OR1J2: variants seen among roughly 807,000 people sequenced by gnomAD.
OR1J2 encodes olfactory receptor family 1 subfamily J member 2, also known as olfactory receptor 1J2.
For missense variants in OR1J2, 304 were observed against 246.1 expected, an observed-to-expected ratio of 1.24 and a Z score of -1.57; for synonymous variants, 142 against 99.7, an observed-to-expected ratio of 1.42 and a Z score of -2.52.
At chr9:122,546,683 C>T in the OR1J2 span, among the ~76,000 whole-genome samples, 9 of 152,222 alleles carry the variant, frequency 5.9e-5, no homozygotes, top group East Asian at 1.5e-3. Flanking sequence ...AAATGTAGTA[C>T]TTAGAATTTA....
At chr9:122,505,607 T>A in the OR1J2 span, among the ~76,000 whole-genome samples, 5 of 152,182 alleles carry the variant, frequency 3.3e-5, no homozygotes, top group Non-Finnish European at 7.4e-5. Flanking sequence ...GACCTAGATA[T>A]GAAAAAGGCC....
the OR1J2 span, chr9:122,567,523 T>TAA: frequency 4.0e-6 from 6 of 1,499,732 alleles, no homozygotes; most frequent in Non-Finnish European, 4.5e-6. Flanking sequence ...AGATTCCACT[T>TAA]ACGAGTTTTT....
In OR1J2 at chr9:122,510,973, C is replaced by T. The variant is rs1358852493; in HGVS notation, c.172C>T (p.Pro58Ser). ...LIQLDSHLHTPMYFFLSHLAL... is the reference protein window; with the variant it reads ...LIQLDSHLHTSMYFFLSHLAL... ...CCAGCTGGACTCTCACCTTCACACCCCCATGTACTTCTTCCTCAGCCACTT... is the reference window on the plus strand; with the variant it reads ...CCAGCTGGACTCTCACCTTCACACCTCCATGTACTTCTTCCTCAGCCACTT... Residue 58 changes from proline to serine, a missense_variant, in exon 1 of 1, where the codon CCC (proline) becomes TCC (serine). By Grantham distance (74) the Pro-to-Ser change is moderately conservative. Coordinates refer to ENST00000335302, the MANE Select transcript of OR1J2 (RefSeq NM_054107.1). The T allele has an allele frequency of 6.2e-7, 1 of 1,612,142 alleles. No homozygotes were observed. The highest frequency in any genetic ancestry group is 1.1e-5 in the South Asian group (1 of 91,030).
the OR1J2 span, among the ~76,000 whole-genome samples, chr9:122,482,942 A>G: frequency 6.6e-6 from 1 of 152,192 alleles, no homozygotes; most frequent in East Asian, 1.9e-4. Flanking sequence ...GTCATGCTCT[A>G]TTGTACAGTA....
the OR1J2 span, among the ~76,000 whole-genome samples, chr9:122,574,012 T>C: frequency 6.6e-6 from 1 of 152,216 alleles, no homozygotes; most frequent in Non-Finnish European, 1.5e-5. Context: ...TATATGTCTT[T>C]GCTGTTTGTC....
the OR1J2 span, among the ~76,000 whole-genome samples, chr9:122,530,685 C>CGG: frequency 6.6e-6 from 1 of 152,036 alleles, no homozygotes; most frequent in Non-Finnish European, 1.5e-5. Context: ...TGGGTGCAGG[C>CGG]GGGCTGAGTC....
At chr9:122,512,313 C>T (rs1277506074), downstream of OR1J2, among the ~76,000 whole-genome samples, 1 of 152,174 alleles carries the variant, frequency 6.6e-6, no homozygotes, top group African/African-American at 2.4e-5. Flanking sequence ...AAAAGTAACA[C>T]TTCTCAAATG....
chr9:122,577,149 A>G, the OR1J2 span, among the ~76,000 whole-genome samples: 4 of 152,230 alleles, frequency 2.6e-5, no homozygotes, highest in Non-Finnish European at 5.9e-5. Context: ...TGTTATAAAC[A>G]TTAAAAATAT....
At chr9:122,485,550 C>A in the OR1J2 span, among the ~76,000 whole-genome samples, 6 of 152,210 alleles carry the variant, frequency 3.9e-5, no homozygotes, top group African/African-American at 7.2e-5. Flanking sequence ...CAAGACATCA[C>A]CCTCAATAGC....
At chr9:122,489,882 G>A in the OR1J2 span, among the ~76,000 whole-genome samples, 5 of 152,260 alleles carry the variant, frequency 3.3e-5, no homozygotes, top group African/African-American at 7.2e-5. Context: ...AATTAAAAAC[G>A]CAATTAATAA....
At chr9:122,471,828 A>C in the OR1J2 span, among the ~76,000 whole-genome samples, 1 of 152,178 alleles carries the variant, frequency 6.6e-6, no homozygotes, top group Non-Finnish European at 1.5e-5. Context: ...AGGCCAAAAA[A>C]ATAAGCTGGA....
chr9:122,486,907 G>A, the OR1J2 span, among the ~76,000 whole-genome samples: 44 of 152,234 alleles, frequency 2.9e-4, 1 homozygote, highest in South Asian at 8.9e-3. Flanking sequence ...TTTCTTAAAA[G>A]CCTTTGCATA....
At chr9:122,462,420 A>G in the OR1J2 span, among the ~76,000 whole-genome samples, 2 of 152,196 alleles carry the variant, frequency 1.3e-5, no homozygotes, top group African/African-American at 2.4e-5. Flanking sequence ...TACATTCAAC[A>G]TTAGTATTGA....
the OR1J2 span, among the ~76,000 whole-genome samples, chr9:122,529,927 G>A: frequency 1.3e-5 from 2 of 152,218 alleles, no homozygotes; most frequent in Admixed American, 6.5e-5. Context: ...AGGCAAAGTA[G>A]ATGTTCTTAA....
chr9:122,545,655 T>G, the OR1J2 span, among the ~76,000 whole-genome samples: 4 of 152,168 alleles, frequency 2.6e-5, no homozygotes, highest in Non-Finnish European at 4.4e-5. Flanking sequence ...ATACTTAGTA[T>G]TTTTGTGTTA....
the OR1J2 span, among the ~76,000 whole-genome samples, chr9:122,502,040 G>T: frequency 1.3e-5 from 2 of 152,238 alleles, no homozygotes; most frequent in Admixed American, 1.3e-4. Flanking sequence ...GGATATGGTA[G>T]TGGTGGATAG....
At chr9:122,519,122 CAG>C in the OR1J2 span, 1 of 1,531,020 alleles carries the variant, frequency 6.5e-7, no homozygotes. Flanking sequence ...CTATTTCCAG[CAG>C]AGAGAAGACT....
chr9:122,519,221 C>A, the OR1J2 span: 1 of 1,612,800 alleles, frequency 6.2e-7, no homozygotes, highest in South Asian at 1.1e-5. Flanking sequence ...AGGCTGTGTT[C>A]TTCACCCTGT....
chr9:122,528,624 A>C, the OR1J2 span, among the ~76,000 whole-genome samples: 4 of 152,176 alleles, frequency 2.6e-5, no homozygotes, highest in African/African-American at 9.6e-5. Flanking sequence ...AAAGATAAAA[A>C]TAATAATCCC....
Sources: gnomAD v4.1 joint callset for allele counts (sites outside exome capture counted in the v4.1 genomes callset) on GRCh38, gnomAD v4.1.1 for gene constraint, MANE v1.5 for transcripts, NCBI Gene and HGNC (gene_info 2026-07-23, HGNC 2026-07-21) for gene names.